CNTN5: variants seen among roughly 807,000 people sequenced by gnomAD.
The protein encoded by CNTN5 is contactin 5.
Under a neutral mutation model 129.1 loss-of-function variants are expected in CNTN5, and 77 were observed. The observed-to-expected ratio is 0.60, with a 90% CI of 0.50 to 0.72. The LOEUF is 0.72. Among genes scored for constraint, CNTN5 ranks in the 30% least tolerant of loss-of-function variants. The pLI is 0.00. For missense variants in CNTN5, 1,478 were observed against 1,328.8 expected (o/e 1.11, Z -1.75); for synonymous variants, 509 against 465.6 (o/e 1.09, Z -1.20).
intron 3 of CNTN5, among the ~76,000 whole-genome samples, chr11:99,688,114 C>T (rs1390092859): frequency 6.6e-6 from 1 of 152,096 alleles, no homozygotes; most frequent in Non-Finnish European, 1.5e-5. Context: ...TTATTTATTT[C>T]TTACTTGAAG....
chr11:99,710,849 A>AT, intron 3 of CNTN5, among the ~76,000 whole-genome samples: 1 of 151,916 alleles, frequency 6.6e-6, no homozygotes, highest in South Asian at 2.1e-4. Context: ...TTAGAAGTAA[A>AT]TTTTATGTAT....
chr11:99,778,508 GA>G lies in CNTN5; in HGVS notation c.56-41034del, dbSNP rs1185292822. Among the ~76,000 whole-genome samples the G allele has an allele frequency of 2.0e-5, 3 of 151,616 alleles. No homozygotes were observed. The East Asian group carries it at 5.9e-4, about 30-fold the overall frequency. ...AGCTCTTATTCCTCTATTCTGTGGG[GA>G]ATTGGTTCTTATTCCCCATCAAATT... On this transcript the variant is annotated intron_variant, in intron 3 of 24. Coordinates refer to ENST00000524871, the MANE Select transcript of CNTN5 (RefSeq NM_014361.4).
chr11:99,698,173 C>T (rs1008337871), intron 3 of CNTN5, among the ~76,000 whole-genome samples: 41 of 150,840 alleles, frequency 2.7e-4, no homozygotes, highest in Middle Eastern at 3.4e-3. Context: ...AAGTATTTTA[C>T]ATTATTCAGT....
intron 3 of CNTN5, 80 bp from the exon 4 acceptor site, chr11:99,819,464 T>C: frequency 7.8e-7 from 1 of 1,286,004 alleles, no homozygotes; most frequent in South Asian, 1.3e-5. Context: ...TAGTAATGTC[T>C]TCAAAGAAAC....
At chr11:99,178,192 A>C (rs750413009) in intron 1 of CNTN5, among the ~76,000 whole-genome samples, 13 of 150,572 alleles carry the variant, frequency 8.6e-5, no homozygotes, top group Non-Finnish European at 1.8e-4. Flanking sequence ...AAAAACTAGC[A>C]ACTCTAGGCT....
intron 3 of CNTN5, among the ~76,000 whole-genome samples, chr11:99,627,818 A>C (rs1387547462): frequency 6.6e-6 from 1 of 151,682 alleles, no homozygotes; most frequent in Non-Finnish European, 1.5e-5. Context: ...TCTTGTGCAG[A>C]CAGGTTAAAT....
At chr11:99,036,035 A>T (rs1473803742) in intron 1 of CNTN5, among the ~76,000 whole-genome samples, 1 of 151,934 alleles carries the variant, frequency 6.6e-6, no homozygotes, top group Non-Finnish European at 1.5e-5. Flanking sequence ...TATGAAGCTT[A>T]GTTTGGCTGG....
intron 2 of CNTN5, among the ~76,000 whole-genome samples, chr11:99,459,968 T>C (rs1469496965): frequency 2.0e-5 from 3 of 151,848 alleles, no homozygotes; most frequent in Non-Finnish European, 4.4e-5. Context: ...ACATGGAAAT[T>C]AGGAGCAGAG....
At chr11:99,728,393 C>G (rs893567523) in intron 3 of CNTN5, among the ~76,000 whole-genome samples, 1 of 152,164 alleles carries the variant, frequency 6.6e-6, no homozygotes, top group Non-Finnish European at 1.5e-5. Context: ...ATACTATATT[C>G]TGAGAGAATC....
intron 6 of CNTN5, among the ~76,000 whole-genome samples, chr11:99,853,947 T>C (rs1420270591): frequency 6.6e-6 from 1 of 152,178 alleles, no homozygotes; most frequent in Admixed American, 6.5e-5. Context: ...CTACTTAAAA[T>C]CTTTATAATA....
At chr11:99,257,989 A>G (rs1682406941) in intron 1 of CNTN5, among the ~76,000 whole-genome samples, 1 of 152,066 alleles carries the variant, frequency 6.6e-6, no homozygotes, top group Non-Finnish European at 1.5e-5. Context: ...AGGGAAATTT[A>G]GTGAGATGAA....
At chr11:99,764,270 A>G (rs1279614085) in intron 3 of CNTN5, among the ~76,000 whole-genome samples, 1 of 152,026 alleles carries the variant, frequency 6.6e-6, no homozygotes, top group African/African-American at 2.4e-5. Context: ...CACAAATTTG[A>G]AAAGACTGAG....
At chr11:100,153,085 A>G (rs776456526) in intron 13 of CNTN5, among the ~76,000 whole-genome samples, 5 of 152,194 alleles carry the variant, frequency 3.3e-5, no homozygotes, top group African/African-American at 1.2e-4. Context: ...TTGATTTATG[A>G]GAAACAATAA....
chr11:99,332,337 G>T (rs12575878), intron 2 of CNTN5, among the ~76,000 whole-genome samples: 2 of 151,806 alleles, frequency 1.3e-5, no homozygotes, highest in African/African-American at 4.8e-5. Flanking sequence ...GAAACATGCT[G>T]CATAATAACT....
At chr11:100,035,237 G>C (rs946319663) in intron 9 of CNTN5, among the ~76,000 whole-genome samples, 8 of 151,594 alleles carry the variant, frequency 5.3e-5, no homozygotes, top group Non-Finnish European at 8.8e-5. Context: ...TTTTGTCCTT[G>C]TGATAGTTTA....
intron 2 of CNTN5, among the ~76,000 whole-genome samples, chr11:99,500,882 G>A (rs1202715472): frequency 2.0e-5 from 3 of 151,936 alleles, no homozygotes; most frequent in East Asian, 1.9e-4. Context: ...CTTCCAAAAT[G>A]TTTCAAAAAT....
intron 1 of CNTN5, among the ~76,000 whole-genome samples, chr11:99,078,320 T>C (rs1356316900): frequency 1.3e-5 from 2 of 152,204 alleles, no homozygotes; most frequent in Non-Finnish European, 2.9e-5. Context: ...TCTGTGTTGG[T>C]ATATTGGTAG....
In CNTN5 at chr11:99,198,744, TAAC is replaced by T. The variant is rs1307275801; in HGVS notation, c.-209-126597_-209-126595del. On this transcript the variant is annotated intron_variant, in intron 1 of 24. Transcript: ENST00000524871. ...TTGTAACTAATTTTACCCTAGAAAA[TAAC>T]AACACTTTCTGGTTGAGAAGGGAGA... Among the ~76,000 whole-genome samples the T allele has an allele frequency of 5.3e-5, 8 of 152,218 alleles. No homozygotes were observed. In the East Asian group the frequency reaches 1.5e-3, roughly 29 times the overall value.
intron 6 of CNTN5, among the ~76,000 whole-genome samples, chr11:99,859,759 C>T (rs1157924764): frequency 1.3e-5 from 2 of 152,054 alleles, no homozygotes; most frequent in Admixed American, 6.6e-5. Flanking sequence ...TTGATGGGCA[C>T]CTAGGTTGAT....
Sources: gnomAD v4.1 joint callset for allele counts (sites outside exome capture counted in the v4.1 genomes callset) on GRCh38, gnomAD v4.1.1 for gene constraint, MANE v1.5 for transcripts, NCBI Gene and HGNC (gene_info 2026-07-23, HGNC 2026-07-21) for gene names.